DENND5B: variants seen among roughly 807,000 people sequenced by gnomAD.
DENND5B encodes DENN domain containing 5B.
A neutral mutation model predicts 140.6 loss-of-function variants in DENND5B; 34 were observed. That is an observed-to-expected ratio of 0.24 (90% CI 0.18 to 0.32). DENND5B has a LOEUF of 0.32. DENND5B is among the 10% of genes least tolerant of loss of function. The probability of loss-of-function intolerance (pLI) is 1.00; values close to 1 mark genes in which losing one functional copy is unlikely to be tolerated. For synonymous variants in DENND5B, 551 were observed against 562.1 expected, an observed-to-expected ratio of 0.98 and a Z score of 0.28; for missense variants, 1,142 against 1,560.2, an observed-to-expected ratio of 0.73 and a Z score of 4.52.
intron 4 of DENND5B, among the ~76,000 whole-genome samples, chr12:31,457,858 C>T (rs1359399399): frequency 2.6e-5 from 4 of 152,124 alleles, no homozygotes; most frequent in South Asian, 2.1e-4. Context: ...GGACTACAGG[C>T]GCCTGCCACC....
At chr12:31,408,926 G>C (rs1942284646) in intron 14 of DENND5B, among the ~76,000 whole-genome samples, 1 of 152,180 alleles carries the variant, frequency 6.6e-6, no homozygotes, top group African/African-American at 2.4e-5. Context: ...AAGATGTTAA[G>C]CTTCGATGCA....
At chr12:31,425,538 T>C (rs973118519) in intron 9 of DENND5B, among the ~76,000 whole-genome samples, 1 of 152,240 alleles carries the variant, frequency 6.6e-6, no homozygotes, top group Non-Finnish European at 1.5e-5. Context: ...TCTCCTTTTT[T>C]ATCTTTTCTT....
chr12:31,396,757 G>C (rs1183000213), intron 17 of DENND5B, among the ~76,000 whole-genome samples: 1 of 151,974 alleles, frequency 6.6e-6, no homozygotes, highest in African/African-American at 2.4e-5. Context: ...TGAGGAGCTG[G>C]GATTACAGGC....
At chr12:31,407,795 T>C (rs1942216271) in intron 14 of DENND5B, among the ~76,000 whole-genome samples, 1 of 152,234 alleles carries the variant, frequency 6.6e-6, no homozygotes, top group Non-Finnish European at 1.5e-5. Flanking sequence ...GTGACAGCAC[T>C]GCCCACTGCC....
intron 5 of DENND5B, among the ~76,000 whole-genome samples, chr12:31,449,231 A>C (rs1309391547): frequency 6.6e-6 from 1 of 152,236 alleles, no homozygotes; most frequent in African/African-American, 2.4e-5. Flanking sequence ...TCTTGCTAGC[A>C]TATTTACTTT....
chr12:31,568,680 A>C (rs934087011), intron 1 of DENND5B, among the ~76,000 whole-genome samples: 1 of 152,192 alleles, frequency 6.6e-6, no homozygotes, highest in African/African-American at 2.4e-5. Flanking sequence ...AACAGTGCAT[A>C]AAGGTTGCGC....
At chr12:31,388,845 G>T (rs1279598469) in intron 20 of DENND5B, among the ~76,000 whole-genome samples, 5 of 152,050 alleles carry the variant, frequency 3.3e-5, no homozygotes, top group Non-Finnish European at 7.3e-5. Context: ...ACTATATAAG[G>T]TTTACTTAGT....
At chr12:31,413,326 G>A in intron 13 of DENND5B, 110 bp downstream of exon 13, 1 of 1,318,004 alleles carries the variant, frequency 7.6e-7, no homozygotes, top group Non-Finnish European at 1.0e-6. Flanking sequence ...GAATGCATGT[G>A]CACAGGATAC....
chr12:31,559,077 AC>A (rs1949389472), intron 1 of DENND5B, among the ~76,000 whole-genome samples: 1 of 152,218 alleles, frequency 6.6e-6, no homozygotes, highest in South Asian at 2.1e-4. Flanking sequence ...ATAAGTTCTA[AC>A]CCCAGATGAA....
chr12:31,442,862 T>C lies in DENND5B; in HGVS notation c.1925A>G (p.Asp642Gly). The C allele has an allele frequency of 6.2e-7, 1 of 1,612,026 alleles. No individual in the cohort carries two copies. Among genetic ancestry groups the C allele is most frequent in the Non-Finnish European group, 8.5e-7 (1 of 1,179,020 alleles). Residue 642 changes from aspartate to glycine, a missense_variant, in exon 7 of 21, where the codon GAT becomes GGT. Physicochemically the swap from Asp to Gly is moderately conservative, Grantham distance 94. Coordinates refer to ENST00000389082, the MANE Select transcript of DENND5B (RefSeq NM_144973.4). ...ATATTTGCCTTGACCAATTTTCATATCAAGTAGATGTGGGTGGATTGCAGT... is the reference window on the plus strand; with the variant it reads ...ATATTTGCCTTGACCAATTTTCATACCAAGTAGATGTGGGTGGATTGCAGT... ...DHTAIHPHLL[D>G]MKIGQGKYEQ...
chr12:31,442,468 A>T (rs911511834), intron 7 of DENND5B, among the ~76,000 whole-genome samples: 6 of 152,308 alleles, frequency 3.9e-5, no homozygotes, highest in African/African-American at 1.4e-4. Flanking sequence ...AACCTTTCTA[A>T]ATTCCATTAG....
chr12:31,412,523 G>A (rs1445629082), intron 13 of DENND5B, among the ~76,000 whole-genome samples: 1 of 152,136 alleles, frequency 6.6e-6, no homozygotes, highest in Non-Finnish European at 1.5e-5. Flanking sequence ...TTCACAATAG[G>A]GTTTATGCTC....
In DENND5B at chr12:31,512,897, G is replaced by A. The variant is rs954266599; in HGVS notation, c.128-16978C>T. 2.6e-5 allele frequency among the ~76,000 whole-genome samples: 4 copies of A among 152,062 alleles called. No homozygotes were observed. The South Asian group carries it at 8.3e-4, about 32-fold the overall frequency. Reference sequence around the variant, plus strand: ...CATTAGTACATTTATTAAAATTAACGACCAGTATTTGGTACATTATTAGCG... The same window carrying A: ...CATTAGTACATTTATTAAAATTAACAACCAGTATTTGGTACATTATTAGCG... On this transcript the variant is annotated intron_variant, in intron 1 of 20. Coordinates refer to ENST00000389082, the MANE Select transcript of DENND5B (RefSeq NM_144973.4).
At chr12:31,428,532 G>T (rs1202565283) in intron 8 of DENND5B, among the ~76,000 whole-genome samples, 4 of 151,810 alleles carry the variant, frequency 2.6e-5, no homozygotes, top group African/African-American at 9.7e-5. Flanking sequence ...CTCCTGAGTA[G>T]CTGGGATTAC....
chr12:31,470,442 G>T (rs941234657), intron 3 of DENND5B, among the ~76,000 whole-genome samples: 2 of 151,690 alleles, frequency 1.3e-5, no homozygotes, highest in South Asian at 2.1e-4. Context: ...TAGAGACGGG[G>T]TTTCACCATG....
At position 31,491,327 on chromosome 12, in the gene DENND5B, A is replaced by T. The variant is rs1449155565; in HGVS notation, c.237+4483T>A. Among the ~76,000 whole-genome samples, 8 of 152,224 alleles carry T rather than the reference A, an allele frequency of 5.3e-5. No individual in the cohort carries two copies. In the East Asian group the frequency reaches 1.5e-3, roughly 29 times the overall value. On this transcript the variant is annotated intron_variant, in intron 2 of 20. Coordinates refer to ENST00000389082, the MANE Select transcript of DENND5B (RefSeq NM_144973.4). ...AATTAGCCAGGCGTGATGGTGCGCG[A>T]CTATAATCCCAGCTACTCAAGAGGC...
intron 3 of DENND5B, among the ~76,000 whole-genome samples, chr12:31,476,808 A>G (rs899068898): frequency 6.6e-6 from 1 of 152,154 alleles, no homozygotes; most frequent in African/African-American, 2.4e-5. Context: ...AAGGCAAAAC[A>G]AAAGAACCCA....
At chr12:31,489,498 G>A (rs1397170410) in intron 2 of DENND5B, among the ~76,000 whole-genome samples, 1 of 152,176 alleles carries the variant, frequency 6.6e-6, no homozygotes, top group Non-Finnish European at 1.5e-5. Flanking sequence ...AAAAGACAGA[G>A]TAACTACTCC....
At chr12:31,475,894 C>A (rs796580680) in intron 3 of DENND5B, among the ~76,000 whole-genome samples, 10 of 152,284 alleles carry the variant, frequency 6.6e-5, no homozygotes, top group African/African-American at 2.4e-4. Context: ...GAGGCCAAGG[C>A]AGGCAGATCA....
Sources: gnomAD v4.1 joint callset for allele counts (sites outside exome capture counted in the v4.1 genomes callset) on GRCh38, gnomAD v4.1.1 for gene constraint, MANE v1.5 for transcripts, NCBI Gene and HGNC (gene_info 2026-07-23, HGNC 2026-07-21) for gene names.